LITAF: variants seen among roughly 807,000 people sequenced by gnomAD.
LITAF encodes lipopolysaccharide-induced tumor necrosis factor-alpha factor.
Under a neutral mutation model 14.5 loss-of-function variants are expected in LITAF, and 9 were observed. The observed-to-expected ratio is 0.62, with a 90% CI of 0.37 to 1.08. The LOEUF (loss-of-function observed/expected upper bound fraction) is 1.08. Among genes scored for constraint, LITAF ranks in the 50% least tolerant of loss-of-function variants. LITAF has a pLI of 0.01. For missense variants in LITAF, 206 were observed against 213.4 expected (o/e 0.97, Z 0.22); for synonymous variants, 98 against 88.2 (o/e 1.11, Z -0.62).
In LITAF at chr16:11,576,899, G is replaced by A. The variant is rs148874461; in HGVS notation, c.-6+9987C>T. 1.6e-4 allele frequency among the ~76,000 whole-genome samples: 25 copies of A among 152,310 alleles called. No individual in the cohort carries two copies. The East Asian group carries it at 2.7e-3, about 16-fold the overall frequency. ...GCCAAATTCCAGATGACTGCAGGTA[G>A]TCCAACTGTCTGTCTTTGAAAATTC... On this transcript the variant is annotated intron_variant, in intron 1 of 3. Transcript: ENST00000622633.
intron 1 of LITAF, among the ~76,000 whole-genome samples, chr16:11,560,318 T>C (rs1448336251): frequency 6.7e-6 from 1 of 149,384 alleles, no homozygotes; most frequent in Non-Finnish European, 1.5e-5. Flanking sequence ...AATAAATACA[T>C]TAAATGTGGC....
intron 1 of LITAF, among the ~76,000 whole-genome samples, chr16:11,585,751 C>A (rs530855375): frequency 2.6e-5 from 4 of 152,278 alleles, no homozygotes; most frequent in African/African-American, 7.2e-5. Context: ...AGTCTTTGAA[C>A]CAGCACCAGT....
rs2064212992 is a variant in LITAF at position 11,553,430 on chromosome 16, G to A, written c.377+103C>T. On this transcript the variant is annotated intron_variant, in intron 3 of 3. Coordinates refer to ENST00000622633, the MANE Select transcript of LITAF (RefSeq NM_001136472.2). The surrounding 1 kb of genome is among the most constrained non-coding windows in gnomAD (Gnocchi z 7.7). ...CATCTCAAAAAAAAACAACACAAAT[G>A]TCTGGCCCTGAATGTCAAGCATGGT... 8.0e-7 allele frequency: 1 copy of A among 1,253,284 alleles called. No homozygotes were observed. The highest frequency in any genetic ancestry group is 1.1e-6 in the Non-Finnish European group (1 of 880,278). 77.6% of individuals were successfully genotyped at this position (1,253,284 alleles called of 1,614,324 possible). A position where few individuals can be genotyped will look rare whatever the true frequency, so the allele number is the denominator to read the frequency against.
At chr16:11,610,945 G>T (rs55839873) in intron 3 of LITAF, among the ~76,000 whole-genome samples, 54,677 of 151,760 alleles carry the variant, frequency 0.36, 12,007 homozygotes, top group Middle Eastern at 0.49. Context: ...AAACACTTAG[G>T]ACCCCTCTCC....
chr16:11,615,256 C>T (rs2141884238), intron 3 of LITAF, among the ~76,000 whole-genome samples: 1 of 152,224 alleles, frequency 6.6e-6, no homozygotes, highest in South Asian at 2.1e-4. Context: ...AAGTAAAGAC[C>T]TTGGGTGCGG....
chr16:11,606,935 G>A (rs954241989), intron 3 of LITAF, among the ~76,000 whole-genome samples: 5 of 152,130 alleles, frequency 3.3e-5, no homozygotes, highest in Admixed American at 1.3e-4. Context: ...CACTGCGCCC[G>A]GCCTACTTCA....
At chr16:11,629,612 C>CTCCT (rs1260586505) in intron 3 of LITAF, among the ~76,000 whole-genome samples, 1 of 152,170 alleles carries the variant, frequency 6.6e-6, no homozygotes, top group Non-Finnish European at 1.5e-5. Context: ...AAGCAGCCGG[C>CTCCT]TCCTTCCTTC....
chr16:11,576,552 A>G lies in LITAF; in HGVS notation c.-6+10334T>C, dbSNP rs867166167. Reference sequence around the variant, plus strand: ...CAATCTGCAAAAAAAAAAAAAAAAAAAAAGAGAGAGAGAAAGAGAAAAAGA... The same window carrying G: ...CAATCTGCAAAAAAAAAAAAAAAAAGAAAGAGAGAGAGAAAGAGAAAAAGA... On this transcript the variant is annotated intron_variant, in intron 1 of 3. Transcript: ENST00000622633. Among the ~76,000 whole-genome samples, 618 of 77,566 alleles carry G rather than the reference A, an allele frequency of 8.0e-3. 10 individuals carry two copies. The highest frequency in any genetic ancestry group is 0.027 in the African/African-American group (575 of 21,126). The allele number at this position is 77,566 out of a possible 152,430, so 50.9% of individuals were successfully genotyped here.
At chr16:11,626,481 C>T (rs916852229) in intron 3 of LITAF, among the ~76,000 whole-genome samples, 1 of 152,200 alleles carries the variant, frequency 6.6e-6, no homozygotes, top group Non-Finnish European at 1.5e-5. Flanking sequence ...CTAGCTGGGA[C>T]TACAGGCAGG....
chr16:11,615,400 G>C (rs1032842298), intron 3 of LITAF, among the ~76,000 whole-genome samples: 7 of 152,200 alleles, frequency 4.6e-5, no homozygotes, highest in African/African-American at 1.4e-4. Context: ...AGCCTGGCAT[G>C]GTGGTGCATG....
upstream of LITAF, among the ~76,000 whole-genome samples, chr16:11,592,205 T>TAAGG (rs2064851176): frequency 6.6e-6 from 1 of 152,166 alleles, no homozygotes. Flanking sequence ...ATATATCTGA[T>TAAGG]AAGGGTCTAG....
intron 3 of LITAF, among the ~76,000 whole-genome samples, chr16:11,617,580 C>T (rs573300867): frequency 6.6e-5 from 10 of 151,970 alleles, no homozygotes; most frequent in African/African-American, 2.2e-4. Context: ...GCTCACACCA[C>T]CACGCCCAGC....
chr16:11,615,619 G>T (rs1379304211), intron 3 of LITAF, among the ~76,000 whole-genome samples: 1 of 152,192 alleles, frequency 6.6e-6, no homozygotes, highest in African/African-American at 2.4e-5. Context: ...AGTGAACCGA[G>T]ATTGCACCAC....
At position 11,634,873 on chromosome 16, in the gene LITAF, A is replaced by C. The variant is rs35389325; in HGVS notation, c.-21+952T>G. Among the ~76,000 whole-genome samples the C allele has an allele frequency of 0.27, 40,480 of 151,860 alleles. 5,605 individuals carry two copies. Among genetic ancestry groups the C allele is most frequent in the African/African-American group, 0.3 (12,591 of 41,412 alleles). On this transcript the variant is annotated intron_variant, in intron 2 of 3. Coordinates refer to the LITAF transcript ENST00000574848. This position sits in a 1 kb window ranked among gnomAD's most constrained non-coding sequence, Gnocchi z 4.1. ...ACCTGGTGAAACCCCGTCTCTACTA[A>C]AAATGCAAAAACTAGCTGGGCGTGT...
In LITAF at chr16:11,551,625, A is replaced by G. The variant is rs1419395162; in HGVS notation, c.378-1880T>C. On this transcript the variant is annotated intron_variant, in intron 3 of 3. Coordinates refer to ENST00000622633, the MANE Select transcript of LITAF (RefSeq NM_001136472.2). ...TGCTTGAGTCCAGGAGTTCAAGACCAGCCTGGGCAACATAGTAAAACCCCT... is the reference window on the plus strand; with the variant it reads ...TGCTTGAGTCCAGGAGTTCAAGACCGGCCTGGGCAACATAGTAAAACCCCT... The G allele has an allele frequency of 1.1e-5, 6 of 541,764 alleles. No homozygotes were observed. In the African/African-American group the frequency reaches 1.2e-4, roughly 11 times the overall value. 33.6% of individuals were successfully genotyped at this position (541,764 alleles called of 1,614,324 possible).
At chr16:11,606,006 T>C (rs542392474) in intron 3 of LITAF, among the ~76,000 whole-genome samples, 1 of 152,272 alleles carries the variant, frequency 6.6e-6, no homozygotes, top group East Asian at 1.9e-4. Context: ...ATTGATTTAG[T>C]TGAGGGATCC....
upstream of LITAF, among the ~76,000 whole-genome samples, chr16:11,589,723 A>G (rs958708786): frequency 6.7e-6 from 1 of 149,112 alleles, no homozygotes; most frequent in African/African-American, 2.5e-5. Context: ...AGCTCAGGCG[A>G]TCCTCCCACC....
chr16:11,576,554 A>AAAAAGAC (rs1555469756), intron 1 of LITAF, among the ~76,000 whole-genome samples: 2,288 of 116,460 alleles, frequency 0.02, 95 homozygotes, highest in Non-Finnish European at 0.024. Flanking sequence ...AAAAAAAAAA[A>AAAAAGAC]AGAGAGAGAG....
chr16:11,602,234 T>C (rs1421937211), upstream of LITAF, among the ~76,000 whole-genome samples: 1 of 152,164 alleles, frequency 6.6e-6, no homozygotes, highest in Non-Finnish European at 1.5e-5. Flanking sequence ...GACACATGCC[T>C]GTAGTCCCAG....
Sources: gnomAD v4.1 joint callset for allele counts (sites outside exome capture counted in the v4.1 genomes callset) on GRCh38, gnomAD v4.1.1 for gene constraint, Gnocchi (gnomAD v3.1) non-coding constraint, MANE v1.5 for transcripts, NCBI Gene and HGNC (gene_info 2026-07-23, HGNC 2026-07-21) for gene names.